GRIPAP1: variants seen among roughly 807,000 people sequenced by gnomAD.
GRIPAP1 encodes GRIP1 associated protein 1.
Under a neutral mutation model 84.1 loss-of-function variants are expected in GRIPAP1, and 14 were observed. The observed-to-expected ratio is 0.17, with a 90% CI of 0.11 to 0.26. The LOEUF is 0.26. Among genes scored for constraint, GRIPAP1 ranks in the 10% least tolerant of loss-of-function variants. The pLI is 1.00. For missense variants in GRIPAP1, 518 were observed against 674.2 expected, an observed-to-expected ratio of 0.77 and a Z score of 2.57; for synonymous variants, 261 against 256.8, an observed-to-expected ratio of 1.02 and a Z score of -0.15.
intron 6 of GRIPAP1, 24 bp from the exon 7 acceptor site, chrX:48,991,134 T>C (rs1557065410): frequency 1.8e-6 from 2 of 1,094,219 alleles, no homozygotes; most frequent in East Asian, 3.0e-5. Flanking sequence ...CAGGGATATA[T>C]GATGGATGAG....
intron 6 of GRIPAP1, among the ~76,000 whole-genome samples, chrX:48,992,591 A>G (rs2064526051): frequency 8.9e-6 from 1 of 111,828 alleles, no homozygotes; most frequent in Non-Finnish European, 1.9e-5. Context: ...ACTGACTTAC[A>G]GCTGAATCCC....
chrX:48,988,328 A>G, intron 11 of GRIPAP1, 130 bp from the exon 12 acceptor site: 2 of 483,926 alleles, frequency 4.1e-6, no homozygotes, highest in Middle Eastern at 3.4e-4. Flanking sequence ...TCCAGCCAAC[A>G]GCAATCTCAG....
chrX:48,979,964 G>A (rs1406627110), intron 21 of GRIPAP1, among the ~76,000 whole-genome samples: 1 of 111,259 alleles, frequency 9.0e-6, no homozygotes, highest in African/African-American at 3.3e-5. Flanking sequence ...GGTTACTTCA[G>A]GAGACCGAGT....
chrX:48,981,848 C>CCTG lies in GRIPAP1; in HGVS notation c.1621_1623dup (p.Gln541dup). The CCTG allele has an allele frequency of 8.6e-7, 1 of 1,164,710 alleles. No individual in the cohort carries two copies. The highest frequency in any genetic ancestry group is 1.1e-6 in the Non-Finnish European group (1 of 870,733). On this transcript the variant is annotated inframe_insertion, in exon 18 of 26. Coordinates refer to ENST00000376423, the MANE Select transcript of GRIPAP1 (RefSeq NM_020137.5). ...CACTGCTTGAGGGCTTCCTCTTGTT[C>CCTG]CTGCTGCTGCTGCTGCAGGGATTCC...
chrX:48,997,846 C>T, intron 4 of GRIPAP1: 1 of 348,258 alleles, frequency 2.9e-6, no homozygotes, highest in Non-Finnish European at 4.9e-6. Flanking sequence ...ATCACCGAGA[C>T]AGGAACAGGA....
At chrX:49,001,199 GAT>G (rs1166889536) in intron 1 of GRIPAP1, among the ~76,000 whole-genome samples, 1 of 111,350 alleles carries the variant, frequency 9.0e-6, no homozygotes, top group Non-Finnish European at 1.9e-5. Context: ...ATCCCTTTCA[GAT>G]GACAGTGGTC....
Position 49,002,235 on chromosome X carries a change from T to C in GRIPAP1, c.-6A>G. Reference sequence around the variant, plus strand: ...TCAGACAGAGCTTGCGCCATGTTCCTCCCCCCACCCCCCCGCCAGCTTTCT... The same window carrying C: ...TCAGACAGAGCTTGCGCCATGTTCCCCCCCCCACCCCCCCGCCAGCTTTCT... On this transcript the variant is annotated 5_prime_UTR_variant, in exon 1 of 26. Transcript: ENST00000376423. The C allele has an allele frequency of 1.8e-6, 2 of 1,109,062 alleles. No homozygotes were observed. The highest frequency in any genetic ancestry group is 2.5e-6 in the Non-Finnish European group (2 of 812,842). 91.4% of individuals were successfully genotyped at this position (1,109,062 alleles called of 1,213,427 possible). A position where few individuals can be genotyped will look rare whatever the true frequency, so the allele number is the denominator to read the frequency against.
chrX:48,980,819 G>A (rs1011103447), intron 21 of GRIPAP1: 13 of 153,667 alleles, frequency 8.5e-5, no homozygotes, highest in African/African-American at 3.9e-4. Context: ...GGAGGCAGAG[G>A]TTGCGGTGAG....
In GRIPAP1 at chrX:48,987,635, A is replaced by G. The variant is rs188169889; in HGVS notation, c.1041+150T>C. On this transcript the variant is annotated intron_variant, in intron 13 of 25. Coordinates refer to ENST00000376423, the MANE Select transcript of GRIPAP1 (RefSeq NM_020137.5). ...AAGTAGGGATGGATGGCCAGAGAGA[A>G]GAGGGCTGGACGCCAACAGAAAGGA... The G allele has an allele frequency of 7.4e-6, 3 of 407,572 alleles. No individual in the cohort carries two copies. In the East Asian group the frequency reaches 1.2e-4, roughly 16 times the overall value. 33.6% of individuals were successfully genotyped at this position (407,572 alleles called of 1,213,427 possible). A position where few individuals can be genotyped will look rare whatever the true frequency, so the allele number is the denominator to read the frequency against.
At chrX:49,001,333 T>C (rs1285701015) in intron 1 of GRIPAP1, among the ~76,000 whole-genome samples, 7 of 97,845 alleles carry the variant, frequency 7.2e-5, no homozygotes, top group African/African-American at 2.0e-4. Flanking sequence ...GTTCCTCCCC[T>C]CCCCATGCAG....
chrX:49,001,224 G>A (rs1474311215), intron 1 of GRIPAP1, among the ~76,000 whole-genome samples: 2 of 110,837 alleles, frequency 1.8e-5, no homozygotes, highest in Admixed American at 9.5e-5. Flanking sequence ...CCCCATTCAT[G>A]GGTTAATCAA....
chrX:48,993,612 A>T (rs2064531602), intron 5 of GRIPAP1, 34 bp from the exon 6 acceptor site: 4 of 1,058,327 alleles, frequency 3.8e-6, no homozygotes, highest in Non-Finnish European at 5.0e-6. Flanking sequence ...AGAGAAGCAG[A>T]GAATCAGAGC....
At chrX:48,999,145 G>A (rs2064562632) in intron 3 of GRIPAP1, 93 bp downstream of exon 3, 2 of 582,188 alleles carry the variant, frequency 3.4e-6, no homozygotes, top group East Asian at 3.3e-5. Flanking sequence ...ATTAGGTCTG[G>A]TTCACTGTAG....
At chrX:48,975,462 G>T in intron 24 of GRIPAP1, 153 bp from the exon 25 acceptor site, 1 of 479,969 alleles carries the variant, frequency 2.1e-6, no homozygotes, top group Non-Finnish European at 3.4e-6. Context: ...ACAAAACCTA[G>T]CTCTGTCACT....
Position 48,998,132 on chromosome X carries a change from C to T in GRIPAP1, c.198+22G>A, listed in dbSNP as rs367997013. On this transcript the variant is annotated intron_variant, in intron 4 of 25. Transcript: ENST00000376423. ...CACCAAGACATCTCCCAGTCACACT[C>T]ACCCACAAGGGATCCCCTTACCTGA... 1.4e-4 allele frequency: 160 copies of T among 1,157,518 alleles called. 1 individual carries two copies. Among genetic ancestry groups the T allele is most frequent in the Admixed American group, 8.8e-5 (4 of 45,530 alleles).
At chrX:48,989,537 C>A in intron 11 of GRIPAP1, 74 bp downstream of exon 11, 1 of 675,440 alleles carries the variant, frequency 1.5e-6, no homozygotes, top group Non-Finnish European at 2.3e-6. Flanking sequence ...AGCCAGCCTC[C>A]ATGGACCTCA....
At chrX:49,001,557 T>G (rs139155303) in intron 1 of GRIPAP1, among the ~76,000 whole-genome samples, 1,504 of 110,196 alleles carry the variant, frequency 0.014, 14 homozygotes, top group Middle Eastern at 0.052. Context: ...TTAATGGTAT[T>G]ACCCATTCAT....
chrX:48,990,703 C>T lies in GRIPAP1; in HGVS notation c.672G>A (p.Leu224=). ...ESSKQAETSR[L]QEELAKLSEK... ...GCCGCACCTTAGCAAGTTCCTCCTG[C>T]AGCCTGGATGTTTCGGCCTGCTTTG... The change falls in exon 8 of 26, where the codon CTG becomes CTA. Residue 224 remains leucine, a synonymous_variant. Transcript: ENST00000376423. The T allele has an allele frequency of 8.3e-7, 1 of 1,202,847 alleles. No homozygotes were observed. The highest frequency in any genetic ancestry group is 2.2e-5 in the Admixed American group (1 of 45,191).
At position 48,976,362 on chromosome X, in the gene GRIPAP1, G is replaced by A. The variant is rs2064422733; in HGVS notation, c.2063C>T (p.Ser688Phe). The A allele has an allele frequency of 8.3e-7, 1 of 1,199,644 alleles. No individual in the cohort carries two copies. Among genetic ancestry groups the A allele is most frequent in the Admixed American group, 2.2e-5 (1 of 44,704 alleles). The change falls in exon 23 of 26, where the codon TCC (serine) becomes TTC (phenylalanine). Residue 688 changes from serine to phenylalanine, a missense_variant and splice_region_variant. Transcript: ENST00000376423. ...EKESSAVPAR[S>F]LSSSPQAQPP... The stretch of plus-strand genomic sequence containing the variant: ...CTGGGCTTGAGGGCTGCTGGATAAG[G>A]ACTGCAGGAAAGAGAAGGGGAGAGG...
Sources: allele counts gnomAD v4.1 joint callset (sites outside exome capture counted in the v4.1 genomes callset), GRCh38; gene constraint gnomAD v4.1.1; transcripts MANE v1.5; gene names NCBI Gene and HGNC (gene_info 2026-07-23, HGNC 2026-07-21).